The following PUS7 variants were observed in gnomAD, a reference collection of about 807,000 sequenced individuals.
The protein encoded by PUS7 is pseudouridine synthase 7.
In PUS7, 48 loss-of-function variants were observed where a neutral mutation model predicts 79.8. The observed-to-expected ratio is 0.60, with a 90% CI of 0.48 to 0.76. The LOEUF (loss-of-function observed/expected upper bound fraction) is 0.76. Among genes scored for constraint, PUS7 ranks in the 30% least tolerant of loss-of-function variants. The pLI, the probability that PUS7 is intolerant of heterozygous loss-of-function variation, is 0.00. For synonymous variants in PUS7, 286 were observed against 272.2 expected, an observed-to-expected ratio of 1.05 and a Z score of -0.50; for missense variants, 729 against 797.6, an observed-to-expected ratio of 0.91 and a Z score of 1.04.
Position 105,457,742 on chromosome 7 carries a change from G to T in PUS7, c.*48C>A. 1 of 1,588,342 alleles carries T rather than the reference G, an allele frequency of 6.3e-7. No individual in the cohort carries two copies. The highest frequency in any genetic ancestry group is 8.6e-7 in the Non-Finnish European group (1 of 1,164,744). On this transcript the variant is annotated 3_prime_UTR_variant, in exon 16 of 16. Coordinates refer to ENST00000469408, the MANE Select transcript of PUS7 (RefSeq NM_019042.5). ...TAAGACAAAAATGCACAGGGAGCCA[G>T]GAAGCAAACACTTGTGTACGTTTTC...
At position 105,502,569 on chromosome 7, in the gene PUS7, TA is replaced by T; in HGVS notation, c.586-6del. ...CTCTTTGGTGTCCTCGATAACCTAT[TA>T]AAAAAAACAGATAGCAATACCACCA... On this transcript the variant is annotated splice_region_variant and splice_polypyrimidine_tract_variant and intron_variant, in intron 4 of 15. Transcript: ENST00000469408. 1 of 1,610,950 alleles carries T rather than the reference TA, an allele frequency of 6.2e-7. No individual in the cohort carries two copies. Among genetic ancestry groups the T allele is most frequent in the Non-Finnish European group, 8.5e-7 (1 of 1,179,030 alleles).
At chr7:105,461,348 T>G (rs1476929946) in intron 14 of PUS7, among the ~76,000 whole-genome samples, 1 of 152,156 alleles carries the variant, frequency 6.6e-6, no homozygotes, top group African/African-American at 2.4e-5. Flanking sequence ...GTAAATGAAC[T>G]CACTTCCCAT....
Position 105,481,036 on chromosome 7 carries a change from G to T in PUS7, c.1175+16C>A. 1 of 1,599,600 alleles carries T rather than the reference G, an allele frequency of 6.3e-7. No individual in the cohort carries two copies. The stretch of plus-strand genomic sequence containing the variant: ...TATGAGAAAGCTATTTTTGATAAAA[G>T]AAATTAAATACCAACCTTCCAACCT... On this transcript the variant is annotated intron_variant, in intron 9 of 15. Transcript: ENST00000469408.
intron 1 of PUS7, among the ~76,000 whole-genome samples, chr7:105,511,643 C>A (rs1244652390): frequency 6.6e-6 from 1 of 151,550 alleles, no homozygotes; most frequent in Non-Finnish European, 1.5e-5. Flanking sequence ...CACCTGTAAT[C>A]TCAGCTGCTT....
intron 2 of PUS7, 134 bp from the exon 3 acceptor site, chr7:105,506,407 C>CTGAAG (rs1000803402): frequency 1.1e-5 from 7 of 612,004 alleles, no homozygotes; most frequent in African/African-American, 1.9e-5. Flanking sequence ...TGCAAAATCA[C>CTGAAG]ATGGAGTTAA....
At chr7:105,458,035 A>T (rs1823259447) in intron 15 of PUS7, 109 bp from the exon 16 acceptor site, 1 of 1,268,012 alleles carries the variant, frequency 7.9e-7, no homozygotes, top group Non-Finnish European at 1.1e-6. Flanking sequence ...CTTTCCTTAG[A>T]CTCCACTTCC....
At chr7:105,467,545 C>T (rs896903071) in intron 12 of PUS7, among the ~76,000 whole-genome samples, 1 of 151,704 alleles carries the variant, frequency 6.6e-6, no homozygotes, top group Non-Finnish European at 1.5e-5. Flanking sequence ...CGCCTTGGCT[C>T]CCAAAGTGCT....
chr7:105,467,171 T>C (rs761276486), intron 12 of PUS7, among the ~76,000 whole-genome samples: 37 of 151,654 alleles, frequency 2.4e-4, no homozygotes, highest in Non-Finnish European at 4.7e-4. Flanking sequence ...GTACAGGGCT[T>C]AGTGCCAAGG....
intron 12 of PUS7, among the ~76,000 whole-genome samples, chr7:105,467,754 C>A (rs1823716297): frequency 6.6e-6 from 1 of 151,834 alleles, no homozygotes; most frequent in African/African-American, 2.4e-5. Flanking sequence ...TCAGGCCGGG[C>A]ACAGTGGCTC....
At position 105,494,402 on chromosome 7, in the gene PUS7, AT is replaced by A. The variant is rs756519297; in HGVS notation, c.842+739del. On this transcript the variant is annotated intron_variant, in intron 6 of 15. Coordinates refer to ENST00000469408, the MANE Select transcript of PUS7 (RefSeq NM_019042.5). ...ATGCACTTCCTATCCATGATCAGTG[AT>A]TTTTTTTTTTTTTTTTTTTTTTTTT... Among the ~76,000 whole-genome samples, 580 of 87,796 alleles carry A rather than the reference AT, an allele frequency of 6.6e-3. 2 individuals carry two copies. Among genetic ancestry groups the A allele is most frequent in the East Asian group, 0.026 (64 of 2,480 alleles). The allele number at this position is 87,796 out of a possible 152,430, so 57.6% of individuals were successfully genotyped here. A position where few individuals can be genotyped will look rare whatever the true frequency, so the allele number is the denominator to read the frequency against.
At chr7:105,482,178 G>T in intron 8 of PUS7, 134 bp downstream of exon 8, 1 of 1,062,172 alleles carries the variant, frequency 9.4e-7, no homozygotes, top group Non-Finnish European at 1.4e-6. Context: ...GCCAGGCCCT[G>T]CTCTGCCCTC....
rs777294442 is a variant in PUS7 at position 105,508,252 on chromosome 7, A to G, written c.261T>C (p.Asp87=). The G allele has an allele frequency of 1.9e-6, 3 of 1,614,098 alleles. No individual in the cohort carries two copies. The highest frequency in any genetic ancestry group is 1.1e-5 in the South Asian group (1 of 91,076). The part of the protein sequence containing the change: ...QLEDEEEEEE[D]GLSEECEEEE... Reference sequence around the variant, plus strand: ...CCTCCTCGCACTCCTCTGAAAGTCCATCTTCCTCCTCTTCTTCCTCATCTT... The same window carrying G: ...CCTCCTCGCACTCCTCTGAAAGTCCGTCTTCCTCCTCTTCTTCCTCATCTT... The change falls in exon 2 of 16, where the codon GAT becomes GAC. Residue 87 remains aspartate, a synonymous_variant. Transcript: ENST00000469408.
intron 4 of PUS7, among the ~76,000 whole-genome samples, chr7:105,503,566 GA>G (rs1168047052): frequency 6.6e-6 from 1 of 151,452 alleles, no homozygotes; most frequent in African/African-American, 2.4e-5. Context: ...TTTAAGAATC[GA>G]AAAAAAATTC....
At chr7:105,470,963 C>T in intron 10 of PUS7, 115 bp from the exon 11 acceptor site, 1 of 1,103,302 alleles carries the variant, frequency 9.1e-7, no homozygotes. Context: ...AATATAGGTG[C>T]TGTTTATAGC....
In PUS7 at chr7:105,497,103, T is replaced by C. The variant is rs898679460; in HGVS notation, c.731-1850A>G. 6 of 506,680 alleles carry C rather than the reference T, an allele frequency of 1.2e-5. No homozygotes were observed. The Admixed American group carries it at 3.1e-4, about 26-fold the overall frequency. The allele number at this position is 506,680 out of a possible 1,614,324, so 31.4% of individuals were successfully genotyped here. The stretch of plus-strand genomic sequence containing the variant: ...TGAGGACTTCTACAGCACCCGGTAG[T>C]TATGCGGTGGGTTAACAGCCATTTA... On this transcript the variant is annotated intron_variant, in intron 5 of 15. Transcript: ENST00000469408.
chr7:105,484,542 GGC>G (rs1414926671), intron 7 of PUS7, among the ~76,000 whole-genome samples: 1 of 151,868 alleles, frequency 6.6e-6, no homozygotes, highest in Non-Finnish European at 1.5e-5. Flanking sequence ...TCTGGGACCG[GGC>G]GCGGTGCTTC....
chr7:105,472,688 T>G (rs1010265406), intron 9 of PUS7, among the ~76,000 whole-genome samples: 4 of 152,202 alleles, frequency 2.6e-5, no homozygotes, highest in African/African-American at 7.2e-5. Flanking sequence ...CATTTCAGTT[T>G]AAAAATGTGA....
intron 1 of PUS7, among the ~76,000 whole-genome samples, chr7:105,512,348 C>G (rs947856126): frequency 1.3e-5 from 2 of 152,088 alleles, no homozygotes; most frequent in Non-Finnish European, 2.9e-5. Flanking sequence ...AATGCTGACA[C>G]GATTTCACTC....
intron 1 of PUS7, among the ~76,000 whole-genome samples, chr7:105,514,467 G>A (rs1481266650): frequency 6.6e-6 from 1 of 150,894 alleles, no homozygotes; most frequent in Non-Finnish European, 1.5e-5. Context: ...AGCTGGGCGT[G>A]GTGACGGGCG....
Sources: allele counts gnomAD v4.1 joint callset (sites outside exome capture counted in the v4.1 genomes callset), GRCh38; gene constraint gnomAD v4.1.1; transcripts MANE v1.5; gene names NCBI Gene and HGNC (gene_info 2026-07-23, HGNC 2026-07-21).